POLN: variants seen among roughly 807,000 people sequenced by gnomAD.
The protein encoded by POLN is DNA polymerase N.
POLN carries 108 observed loss-of-function variants against 113.5 expected under a neutral mutation model. The observed-to-expected ratio is 0.95, with a 90% CI of 0.81 to 1.12. POLN has a LOEUF of 1.12. Ranked by LOEUF, POLN falls within the 50% of genes most tolerant of loss-of-function variation. The pLI, the probability that POLN is intolerant of heterozygous loss-of-function variation, is 0.00. For synonymous variants in POLN, 386 were observed against 391.5 expected (o/e 0.99, Z 0.17); for missense variants, 1,097 against 1,077.1 (o/e 1.02, Z -0.26).
intron 20 of POLN, chr4:2,089,785 G>T: frequency 1.3e-6 from 1 of 752,666 alleles, no homozygotes; most frequent in South Asian, 1.7e-5. Context: ...TTTGAATGCA[G>T]AATCATCTTT....
intron 19 of POLN, among the ~76,000 whole-genome samples, chr4:2,111,682 AG>A (rs920259368): frequency 1.2e-4 from 19 of 152,316 alleles, no homozygotes; most frequent in African/African-American, 4.6e-4. Context: ...CCAACTTACA[AG>A]GGATGTGAAG....
intron 23 of POLN, chr4:2,080,627 C>T: frequency 1.6e-6 from 2 of 1,251,800 alleles, no homozygotes; most frequent in Non-Finnish European, 2.0e-6. Flanking sequence ...GGGTCCTGCT[C>T]AAGGGGCTGA....
chr4:2,241,573 G>A lies in POLN; in HGVS notation c.-66C>T, dbSNP rs1247458387. On this transcript the variant is annotated 5_prime_UTR_variant, in exon 2 of 26. Coordinates refer to ENST00000511885, the MANE Select transcript of POLN (RefSeq NM_181808.4). ...CTCCAGAGTCCACCACCGCGACGCG[G>A]AGAACAGCAGGAGCAGCAGGGAAGC... 1 of 985,694 alleles carries A rather than the reference G, an allele frequency of 1.0e-6. No individual in the cohort carries two copies. Among genetic ancestry groups the A allele is most frequent in the Non-Finnish European group, 1.2e-6 (1 of 830,222 alleles). The allele number at this position is 985,694 out of a possible 1,614,324, so 61.1% of individuals were successfully genotyped here. A position where few individuals can be genotyped will look rare whatever the true frequency, so the allele number is the denominator to read the frequency against.
At chr4:2,224,687 A>C (rs951208089) in intron 3 of POLN, among the ~76,000 whole-genome samples, 4 of 152,166 alleles carry the variant, frequency 2.6e-5, no homozygotes, top group African/African-American at 9.7e-5. Flanking sequence ...GCGGTGGCTC[A>C]TGCCTGTAAT....
chr4:2,208,539 C>G (rs772518030), intron 4 of POLN, 52 bp from the exon 5 acceptor site: 2 of 1,370,132 alleles, frequency 1.5e-6, no homozygotes, highest in South Asian at 1.5e-5. Flanking sequence ...TAAGACAGAT[C>G]TATAAACTAA....
intron 10 of POLN, 90 bp from the exon 11 acceptor site, chr4:2,174,109 T>C (rs1732935878): frequency 1.6e-6 from 2 of 1,223,976 alleles, no homozygotes; most frequent in Non-Finnish European, 2.4e-6. Flanking sequence ...ATGAGGACAA[T>C]AATGACTGCA....
In POLN at chr4:2,098,918, GCACACACA is replaced by G. The variant is rs4031130; in HGVS notation, c.1983-2993_1983-2986del. ...TGTGTGTGCACATGCACGTGCGTGC[GCACACACA>G]CACACACACACACACACACTGAAGA... On this transcript the variant is annotated intron_variant, in intron 19 of 25. Transcript: ENST00000511885. Among the ~76,000 whole-genome samples the G allele has an allele frequency of 4.7e-5, 7 of 150,014 alleles. No homozygotes were observed. In the East Asian group the frequency reaches 7.8e-4, roughly 17 times the overall value.
chr4:2,189,509 G>A (rs1051400669), intron 7 of POLN, among the ~76,000 whole-genome samples: 4 of 150,988 alleles, frequency 2.6e-5, no homozygotes, highest in Admixed American at 2.0e-4. Context: ...CATGGTGGCG[G>A]GCGCCTGTAG....
At chr4:2,164,652 A>G (rs1333926126) in intron 13 of POLN, among the ~76,000 whole-genome samples, 2 of 150,288 alleles carry the variant, frequency 1.3e-5, no homozygotes, top group East Asian at 3.9e-4. Flanking sequence ...AAAATACAAA[A>G]ATTAGCCAGG....
At position 2,209,280 on chromosome 4, in the gene POLN, G is replaced by C. The variant is rs550401514; in HGVS notation, c.214-793C>G. Reference sequence around the variant, plus strand: ...GCGGATCACAAGGTCAACAGTTCGAGACCATCCTGACCAACATGGAGAAAC... The same window carrying C: ...GCGGATCACAAGGTCAACAGTTCGACACCATCCTGACCAACATGGAGAAAC... On this transcript the variant is annotated intron_variant, in intron 4 of 25. Coordinates refer to ENST00000511885, the MANE Select transcript of POLN (RefSeq NM_181808.4). 2.1e-4 allele frequency among the ~76,000 whole-genome samples: 32 copies of C among 152,000 alleles called. No homozygotes were observed. The South Asian group carries it at 6.2e-3, about 30-fold the overall frequency.
intron 17 of POLN, among the ~76,000 whole-genome samples, chr4:2,129,665 C>T (rs1731671683): frequency 6.6e-6 from 1 of 152,146 alleles, no homozygotes; most frequent in Non-Finnish European, 1.5e-5. Context: ...GCTAAGATTA[C>T]AGGTGTGAGC....
chr4:2,081,669 G>A lies in POLN; in HGVS notation c.2272C>T (p.Gln758Ter), dbSNP rs763356289. 6 of 1,614,220 alleles carry A rather than the reference G, an allele frequency of 3.7e-6. No individual in the cohort carries two copies. The Admixed American group carries it at 5.0e-5, about 13-fold the overall frequency. ...AAGTTCACTGCCTGTCGCTCTGCTT[G>A]TGCCCGGAGTTGCTGGTCATGAGCG... is the stretch of plus-strand genomic sequence containing the variant. ...IHAHDQQLRA[Q>*]AERQAVNFVV... Residue 758 changes from glutamine to a stop codon, truncating the protein, a stop_gained, in exon 22 of 26, where the codon CAA becomes TAA. Coordinates refer to ENST00000511885, the MANE Select transcript of POLN (RefSeq NM_181808.4). LOFTEE classifies it high-confidence loss of function.
At chr4:2,148,177 A>G (rs1732196652) in intron 16 of POLN, among the ~76,000 whole-genome samples, 1 of 152,224 alleles carries the variant, frequency 6.6e-6, no homozygotes, top group African/African-American at 2.4e-5. Flanking sequence ...CAAATATTGA[A>G]CTAGAGCAAT....
chr4:2,198,983 G>T (rs963743994), intron 5 of POLN, among the ~76,000 whole-genome samples: 1 of 152,018 alleles, frequency 6.6e-6, no homozygotes, highest in South Asian at 2.1e-4. Flanking sequence ...ACATCAGAAA[G>T]GAAGCATCAT....
At chr4:2,163,304 G>A (rs1158571480) in intron 13 of POLN, among the ~76,000 whole-genome samples, 1 of 152,226 alleles carries the variant, frequency 6.6e-6, no homozygotes, top group Admixed American at 6.5e-5. Context: ...ACTTAGCCAA[G>A]AAAACAGCTT....
Position 2,171,135 on chromosome 4 carries a change from TCTC to T in POLN, c.1418_1420del (p.Gly473del). On this transcript the variant is annotated inframe_deletion, in exon 12 of 26. Coordinates refer to ENST00000511885, the MANE Select transcript of POLN (RefSeq NM_181808.4). ...GTTATTGCTCGTTATAAGAAACCGTTCTCCTGCAACAAAATGAGCTTCTTGCTC... is the reference window on the plus strand; with the variant it reads ...GTTATTGCTCGTTATAAGAAACCGTTCTGCAACAAAATGAGCTTCTTGCTC... 1.9e-6 allele frequency: 3 copies of T among 1,613,738 alleles called. No individual in the cohort carries two copies. The highest frequency in any genetic ancestry group is 2.5e-6 in the Non-Finnish European group (3 of 1,179,912).
chr4:2,235,403 C>A (rs776807179), intron 2 of POLN, among the ~76,000 whole-genome samples: 1 of 152,160 alleles, frequency 6.6e-6, no homozygotes, highest in Non-Finnish European at 1.5e-5. Context: ...TGTGGAGAAA[C>A]TGGAATTGTG....
chr4:2,202,573 A>T (rs1733743476), intron 5 of POLN, among the ~76,000 whole-genome samples: 1 of 151,854 alleles, frequency 6.6e-6, no homozygotes, highest in Non-Finnish European at 1.5e-5. Flanking sequence ...AAAATACAAA[A>T]ATTAGTCAGG....
rs1733903550 is a variant in POLN at position 2,208,246 on chromosome 4, A to G, written c.455T>C (p.Ile152Thr). The G allele has an allele frequency of 5.7e-6, 9 of 1,587,404 alleles. No individual in the cohort carries two copies. The highest frequency in any genetic ancestry group is 7.8e-6 in the Non-Finnish European group (9 of 1,160,572). ...ENINNENKGS[I>T]NLKRKHITYN... is the part of the protein sequence containing the mutation. ...TGTAATATGTTTTCTTTTAAGATTAATGCTTCCTTTATTTTCATTATTTAT... is the reference window on the plus strand; with the variant it reads ...TGTAATATGTTTTCTTTTAAGATTAGTGCTTCCTTTATTTTCATTATTTAT... The change falls in exon 5 of 26, where the codon ATT becomes ACT. Residue 152 changes from isoleucine (I) to threonine (T), a missense_variant. By Grantham distance (89) the Ile-to-Thr change is moderately conservative (BLOSUM62 -1). Transcript: ENST00000511885.
Sources: gnomAD v4.1 joint callset for allele counts (sites outside exome capture counted in the v4.1 genomes callset) on GRCh38, gnomAD v4.1.1 for gene constraint, MANE v1.5 for transcripts, NCBI Gene and HGNC (gene_info 2026-07-23, HGNC 2026-07-21) for gene names.